The following HPD variants were observed in gnomAD, a reference collection of about 807,000 sequenced individuals.
HPD encodes the protein 4-hydroxyphenylpyruvic acid oxidase.
A neutral mutation model predicts 56.9 loss-of-function variants in HPD; 35 were observed. That is an observed-to-expected ratio of 0.62 (90% confidence interval 0.47 to 0.82). HPD has a LOEUF of 0.82. HPD is among the 40% of genes least tolerant of loss of function. HPD has a pLI of 0.00. For synonymous variants in HPD, 186 were observed against 200.2 expected, an observed-to-expected ratio of 0.93 and a Z score of 0.60; for missense variants, 442 against 506.8, an observed-to-expected ratio of 0.87 and a Z score of 1.23.
intron 7 of HPD, among the ~76,000 whole-genome samples, chr12:121,851,094 C>T (rs1428592100): frequency 6.6e-6 from 1 of 152,046 alleles, no homozygotes. Context: ...AACTCCCAAC[C>T]TCAGGTGATC....
At chr12:121,858,593 TC>T in intron 2 of HPD, 93 bp downstream of exon 2, 1 of 1,254,620 alleles carries the variant, frequency 8.0e-7, no homozygotes, top group Non-Finnish European at 1.2e-6. Context: ...CTCCAGTCCT[TC>T]CTCTTCTGCT....
rs1877621832 is a variant in HPD, at chr12:121,847,316, A to G, written c.597-102T>C. On this transcript the variant is annotated intron_variant, in intron 9 of 13. Coordinates refer to ENST00000289004, the MANE Select transcript of HPD (RefSeq NM_002150.3). ...GAATCTGTCCCTGAGCAGGCTCCAG[A>G]AAGGAGATGCCACTGCCATCATACC... 4.8e-6 allele frequency: 5 copies of G among 1,031,884 alleles called. No homozygotes were observed. In the South Asian group the frequency reaches 6.5e-5, roughly 13 times the overall value. 63.9% of individuals were successfully genotyped at this position (1,031,884 alleles called of 1,614,324 possible).
chr12:121,877,152 G>A, the HPD span, among the ~76,000 whole-genome samples: 1 of 151,572 alleles, frequency 6.6e-6, no homozygotes, highest in South Asian at 2.1e-4. Flanking sequence ...GGATAGAAGT[G>A]AGTGACTACA....
At chr12:121,859,130 C>G (rs1878110219), upstream of HPD, 1 of 467,388 alleles carries the variant, frequency 2.1e-6, no homozygotes, top group Middle Eastern at 6.4e-4. Context: ...CATTACTGCC[C>G]AGAATCCAAA....
chr12:121,863,263 C>T (rs941105868), upstream of HPD, among the ~76,000 whole-genome samples: 37 of 152,178 alleles, frequency 2.4e-4, no homozygotes, highest in Non-Finnish European at 8.8e-5. Context: ...GGATTACAGG[C>T]GTGAGCCACT....
Position 121,854,761 on chromosome 12 carries a change from C to G in HPD, c.356G>C (p.Arg119Pro). The G allele has an allele frequency of 1.2e-6, 2 of 1,614,106 alleles. No homozygotes were observed. The highest frequency in any genetic ancestry group is 1.7e-6 in the Non-Finnish European group (2 of 1,179,986). The stretch of plus-strand genomic sequence containing the variant: ...CTTGTCTTGCTCTACCCAGGGCTCC[C>G]GCATGATTTTGGCGCCCCGTTCCCG... ...KARERGAKIM[R>P]EPWVEQDKFG... The change falls in exon 7 of 14, where the codon CGG (arginine) becomes CCG (proline). Residue 119 changes from arginine to proline, a missense_variant. Coordinates refer to ENST00000289004, the MANE Select transcript of HPD (RefSeq NM_002150.3).
At chr12:121,851,796 G>A (rs1262303971) in intron 7 of HPD, among the ~76,000 whole-genome samples, 4,280 of 12,986 alleles carry the variant, frequency 0.33, 1,851 homozygotes, top group Non-Finnish European at 0.39. Context: ...TGCAAGCTCC[G>A]CCTCCCGGGT....
At chr12:121,877,556 A>AC in the HPD span, among the ~76,000 whole-genome samples, 7 of 151,740 alleles carry the variant, frequency 4.6e-5, no homozygotes, top group Non-Finnish European at 7.4e-5. Context: ...ACATGGTAAG[A>AC]CCCCCATCTC....
At chr12:121,853,799 C>T (rs1877894487) in intron 7 of HPD, among the ~76,000 whole-genome samples, 1 of 150,238 alleles carries the variant, frequency 6.7e-6, no homozygotes, top group Non-Finnish European at 1.5e-5. Context: ...CAAAAATTAG[C>T]CGTGTGTGCG....
At position 121,854,717 on chromosome 12, in the gene HPD, C is replaced by A. The variant is rs375816927; in HGVS notation, c.400G>T (p.Ala134Ser). 1.2e-6 allele frequency: 2 copies of A among 1,613,706 alleles called. No homozygotes were observed. The highest frequency in any genetic ancestry group is 2.7e-5 in the African/African-American group (2 of 74,938). Residue 134 changes from alanine to serine, a missense_variant, in exon 7 of 14, where the codon GCT becomes TCT. Transcript: ENST00000289004. ...AGGGAACTCACCGTCTGCAGCACAG[C>A]AAACTTCACCTTCCCAAACTTGTCT... is the stretch of plus-strand genomic sequence containing the variant. Reference protein sequence around the residue: ...EQDKFGKVKFAVLQTYGDTTH... With the variant: ...EQDKFGKVKFSVLQTYGDTTH...
intron 9 of HPD, 70 bp downstream of exon 9, chr12:121,848,929 A>G: frequency 1.8e-6 from 2 of 1,115,796 alleles, no homozygotes; most frequent in Non-Finnish European, 2.8e-6. Context: ...TAGTGCAAGG[A>G]CCAGGGAGTG....
upstream of HPD, among the ~76,000 whole-genome samples, chr12:121,867,967 G>A (rs1038706094): frequency 2.0e-5 from 3 of 152,144 alleles, no homozygotes; most frequent in East Asian, 1.9e-4. Context: ...ACAGTGCCCC[G>A]CCCAAACTTT....
At chr12:121,866,693 A>C (rs539378235), upstream of HPD, among the ~76,000 whole-genome samples, 1 of 152,140 alleles carries the variant, frequency 6.6e-6, no homozygotes, top group African/African-American at 2.4e-5. Context: ...TTTACATCAT[A>C]ATTTACATGA....
chr12:121,886,042 G>A, the HPD span, among the ~76,000 whole-genome samples: 1 of 151,344 alleles, frequency 6.6e-6, no homozygotes, highest in African/African-American at 2.4e-5. Context: ...TGATCCAGCC[G>A]CCTCGGTCTC....
chr12:121,846,414 A>G (rs1323538480), intron 11 of HPD, among the ~76,000 whole-genome samples: 1 of 151,996 alleles, frequency 6.6e-6, no homozygotes, highest in Admixed American at 6.6e-5. Flanking sequence ...ATGGGGTTTC[A>G]CCATGTTGGC....
At chr12:121,880,781 C>T in the HPD span, among the ~76,000 whole-genome samples, 18,698 of 152,100 alleles carry the variant, frequency 0.12, 1,661 homozygotes, top group African/African-American at 0.24. Context: ...CATGAGCCAC[C>T]ATGCCAGGCA....
chr12:121,873,856 C>T, the HPD span, among the ~76,000 whole-genome samples: 7 of 152,112 alleles, frequency 4.6e-5, no homozygotes, highest in South Asian at 6.2e-4. Flanking sequence ...TGGCGGTTCA[C>T]GCCTGTAATC....
At chr12:121,866,796 C>T (rs1052440459), upstream of HPD, among the ~76,000 whole-genome samples, 5 of 151,886 alleles carry the variant, frequency 3.3e-5, no homozygotes, top group African/African-American at 1.2e-4. Flanking sequence ...AGTATTTCAG[C>T]GTACAGTTCT....
chr12:121,846,831 G>C (rs769448651), intron 11 of HPD, 31 bp downstream of exon 11: 5 of 1,606,346 alleles, frequency 3.1e-6, no homozygotes, highest in Non-Finnish European at 4.3e-6. Context: ...CTGAATGAGA[G>C]AGGAATTCGG....
Sources: allele counts gnomAD v4.1 joint callset (sites outside exome capture counted in the v4.1 genomes callset), GRCh38; gene constraint gnomAD v4.1.1; transcripts MANE v1.5; gene names NCBI Gene and HGNC (gene_info 2026-07-23, HGNC 2026-07-21).